The following TNFSF4 variants were observed in gnomAD, a reference collection of about 807,000 sequenced individuals.
The protein encoded by TNFSF4 is tumor necrosis factor ligand superfamily member 4.
TNFSF4 carries 4 observed loss-of-function variants against 7.3 expected under a neutral mutation model. That is an observed-to-expected ratio of 0.55 (90% CI 0.27 to 1.25). The LOEUF (loss-of-function observed/expected upper bound fraction) is 1.25, where lower values mean the gene tolerates loss of function less well. TNFSF4 is among the 50% of genes most tolerant of loss of function. The pLI is 0.12. For synonymous variants in TNFSF4, 76 were observed against 83.7 expected, an observed-to-expected ratio of 0.91 and a Z score of 0.50; for missense variants, 181 against 208.8, an observed-to-expected ratio of 0.87 and a Z score of 0.82.
the TNFSF4 span, chr1:173,351,984 GA>G: frequency 2.1e-6 from 1 of 473,206 alleles, no homozygotes; most frequent in Non-Finnish European, 3.8e-6. Flanking sequence ...ATACAAGGAA[GA>G]AAAAATTGAG....
the TNFSF4 span, among the ~76,000 whole-genome samples, chr1:173,281,658 G>C: frequency 5.3e-4 from 81 of 152,174 alleles, no homozygotes; most frequent in African/African-American, 2.0e-3. Flanking sequence ...AATGGCTCAA[G>C]GTGATCAATG....
intron 1 of TNFSF4, among the ~76,000 whole-genome samples, chr1:173,193,816 G>A (rs1374889144): frequency 1.3e-5 from 2 of 150,672 alleles, no homozygotes; most frequent in Non-Finnish European, 1.5e-5. Flanking sequence ...TGGCAAATAT[G>A]GGCTCTTTGA....
the TNFSF4 span, among the ~76,000 whole-genome samples, chr1:173,372,670 T>C: frequency 4.6e-5 from 7 of 152,232 alleles, no homozygotes; most frequent in East Asian, 1.9e-4. Flanking sequence ...GTAAATGGCA[T>C]ACTAGGTGCC....
the TNFSF4 span, among the ~76,000 whole-genome samples, chr1:173,400,701 A>G: frequency 3.3e-5 from 5 of 152,232 alleles, no homozygotes; most frequent in African/African-American, 4.8e-5. Flanking sequence ...AAGGAAGAGT[A>G]TATCTCTCAT....
chr1:173,375,084 A>G, the TNFSF4 span, among the ~76,000 whole-genome samples: 1 of 152,176 alleles, frequency 6.6e-6, no homozygotes, highest in African/African-American at 2.4e-5. Context: ...GTTGGGCAAC[A>G]TGGCTTCTCC....
At chr1:173,308,330 T>TG in the TNFSF4 span, among the ~76,000 whole-genome samples, 5 of 151,050 alleles carry the variant, frequency 3.3e-5, no homozygotes, top group Admixed American at 1.3e-4. Context: ...TGTGTGTGTG[T>TG]TTTATTGAGA....
intron 1 of TNFSF4, among the ~76,000 whole-genome samples, chr1:173,202,168 C>T (rs1300342487): frequency 6.6e-6 from 1 of 151,936 alleles, no homozygotes; most frequent in East Asian, 1.9e-4. Context: ...GTACTAGTAA[C>T]CAGCAGCTGA....
the TNFSF4 span, among the ~76,000 whole-genome samples, chr1:173,242,196 C>T: frequency 2.2e-4 from 33 of 152,104 alleles, no homozygotes; most frequent in African/African-American, 7.5e-4. Context: ...AGTATTTTCC[C>T]GAGGATAAAG....
At chr1:173,440,440 G>A in the TNFSF4 span, 1 of 151,710 alleles carries the variant, frequency 6.6e-6, no homozygotes, top group African/African-American at 2.4e-5. Flanking sequence ...GTTTTAAGAA[G>A]TAAAAAAGAA....
chr1:173,282,873 A>G, the TNFSF4 span, among the ~76,000 whole-genome samples: 1 of 152,172 alleles, frequency 6.6e-6, no homozygotes, highest in African/African-American at 2.4e-5. Flanking sequence ...ACTGATGACA[A>G]TTTTTATATG....
chr1:173,188,472 G>T (rs779721998), intron 2 of TNFSF4, 49 bp downstream of exon 2: 1 of 1,411,128 alleles, frequency 7.1e-7, no homozygotes, highest in Non-Finnish European at 1.0e-6. Context: ...AGACTGAAGA[G>T]AAGATTCTTT....
At chr1:173,340,369 T>C in the TNFSF4 span, among the ~76,000 whole-genome samples, 15 of 125,934 alleles carry the variant, frequency 1.2e-4, no homozygotes, top group African/African-American at 3.8e-4. Context: ...CACACACACA[T>C]ACCCTATTAG....
chr1:173,277,108 G>T, the TNFSF4 span, among the ~76,000 whole-genome samples: 1 of 152,124 alleles, frequency 6.6e-6, no homozygotes, highest in Admixed American at 6.6e-5. Flanking sequence ...TTCAACCAGG[G>T]TGAAACTCTG....
chr1:173,387,550 G>C, the TNFSF4 span, among the ~76,000 whole-genome samples: 1 of 152,164 alleles, frequency 6.6e-6, no homozygotes, highest in Non-Finnish European at 1.5e-5. Context: ...TTAAGGCAGA[G>C]GGAACATGCT....
the TNFSF4 span, among the ~76,000 whole-genome samples, chr1:173,334,120 C>T: frequency 6.6e-6 from 1 of 152,066 alleles, no homozygotes; most frequent in Non-Finnish European, 1.5e-5. Flanking sequence ...AAGATTGGTT[C>T]TAAGGAAACA....
chr1:173,327,332 C>A, the TNFSF4 span, among the ~76,000 whole-genome samples: 4 of 152,246 alleles, frequency 2.6e-5, no homozygotes, highest in African/African-American at 9.6e-5. Flanking sequence ...CCCTTCCTTA[C>A]ACCTTATACA....
chr1:173,217,941 G>T, the TNFSF4 span, among the ~76,000 whole-genome samples: 1 of 152,074 alleles, frequency 6.6e-6, no homozygotes, highest in South Asian at 2.1e-4. Flanking sequence ...TAGGGACAGG[G>T]TCTCCCTATG....
chr1:173,276,548 A>C, the TNFSF4 span, among the ~76,000 whole-genome samples: 1 of 152,116 alleles, frequency 6.6e-6, no homozygotes, highest in South Asian at 2.1e-4. Flanking sequence ...GGAGCCACTG[A>C]GTTGGAGGCC....
the TNFSF4 span, among the ~76,000 whole-genome samples, chr1:173,318,052 T>A: frequency 6.6e-6 from 1 of 152,178 alleles, no homozygotes; most frequent in Non-Finnish European, 1.5e-5. Context: ...AAAATAGCAC[T>A]TCAACACGTA....
Sources: gnomAD v4.1 joint callset for allele counts (sites outside exome capture counted in the v4.1 genomes callset) on GRCh38, gnomAD v4.1.1 for gene constraint, MANE v1.5 for transcripts, NCBI Gene and HGNC (gene_info 2026-07-23, HGNC 2026-07-21) for gene names.